Variants in RBFOX1 observed in about 807,000 individuals in gnomAD.
The protein encoded by RBFOX1 is RNA binding protein fox-1 homolog 1.
In RBFOX1, 8 loss-of-function variants were observed where a neutral mutation model predicts 57.7. The observed-to-expected ratio is 0.14, with a 90% CI of 0.08 to 0.25. The LOEUF is 0.25. RBFOX1 is among the 10% of genes least tolerant of loss of function. The probability of loss-of-function intolerance (pLI) is 1.00; values close to 1 mark genes in which losing one functional copy is unlikely to be tolerated. For missense variants in RBFOX1, 611 were observed against 548.5 expected (o/e 1.11, Z -1.14); for synonymous variants, 326 against 222.4 (o/e 1.47, Z -4.15).
At chr16:6,669,900 C>T (rs574786582) in intron 3 of RBFOX1, among the ~76,000 whole-genome samples, 6 of 152,190 alleles carry the variant, frequency 3.9e-5, no homozygotes, top group African/African-American at 1.4e-4. Context: ...CCTAAGTAAC[C>T]GACCCATGGT....
At chr16:7,247,344 C>G (rs548944914) in intron 4 of RBFOX1, among the ~76,000 whole-genome samples, 50 of 152,270 alleles carry the variant, frequency 3.3e-4, no homozygotes, top group Admixed American at 1.0e-3. Context: ...AGGGGACACT[C>G]ACAGCCAACG....
intron 1 of RBFOX1, among the ~76,000 whole-genome samples, chr16:5,272,017 G>T (rs917510218): frequency 2.0e-5 from 3 of 152,188 alleles, no homozygotes; most frequent in Non-Finnish European, 4.4e-5. Context: ...CACTTAGGTT[G>T]ATTCTATATC....
At chr16:6,041,534 A>C (rs1437295494) in intron 1 of RBFOX1, among the ~76,000 whole-genome samples, 2 of 152,068 alleles carry the variant, frequency 1.3e-5, no homozygotes, top group African/African-American at 4.8e-5. Flanking sequence ...TTTATCATCC[A>C]CATTTTACGG....
intron 1 of RBFOX1, among the ~76,000 whole-genome samples, chr16:6,076,026 T>G (rs955787492): frequency 6.6e-6 from 1 of 152,078 alleles, no homozygotes; most frequent in Admixed American, 6.6e-5. Context: ...TGGCCGGGCG[T>G]GGTGGCTCAC....
chr16:7,450,454 G>A (rs2098843208), intron 4 of RBFOX1, among the ~76,000 whole-genome samples: 1 of 149,718 alleles, frequency 6.7e-6, no homozygotes, highest in Admixed American at 6.7e-5. Context: ...AGGAGGGACT[G>A]TGGATGATAA....
chr16:6,939,710 C>G (rs946594158), intron 3 of RBFOX1, among the ~76,000 whole-genome samples: 2 of 151,984 alleles, frequency 1.3e-5, no homozygotes, highest in Admixed American at 6.6e-5. Flanking sequence ...TGAGGCTTCA[C>G]TATGTTGGCC....
intron 3 of RBFOX1, among the ~76,000 whole-genome samples, chr16:6,802,233 AC>A (rs2085644068): frequency 6.6e-6 from 1 of 152,016 alleles, no homozygotes; most frequent in Admixed American, 6.6e-5. Context: ...TTATTATTTA[AC>A]TTAACCACTC....
At chr16:7,684,155 C>G (rs1201840705) in intron 14 of RBFOX1, among the ~76,000 whole-genome samples, 2 of 152,118 alleles carry the variant, frequency 1.3e-5, no homozygotes, top group Non-Finnish European at 2.9e-5. Flanking sequence ...AATGTGGCCT[C>G]TAATTTATTT....
intron 2 of RBFOX1, among the ~76,000 whole-genome samples, chr16:5,515,975 G>A (rs1300422957): frequency 1.3e-5 from 2 of 152,170 alleles, no homozygotes; most frequent in African/African-American, 4.8e-5. Flanking sequence ...CCAAATCAGA[G>A]AGCACCAGAG....
At chr16:6,833,930 C>A (rs1012956923) in intron 3 of RBFOX1, among the ~76,000 whole-genome samples, 4 of 151,902 alleles carry the variant, frequency 2.6e-5, no homozygotes, top group African/African-American at 9.7e-5. Flanking sequence ...ATGAGTGTGT[C>A]CAGAGTGATG....
rs185478662 is a variant in RBFOX1, at chr16:6,083,552, C to T, written c.-127+63560C>T. Among the ~76,000 whole-genome samples, 79 of 152,318 alleles carry T rather than the reference C, an allele frequency of 5.2e-4. 1 individual carries two copies. The highest frequency in any genetic ancestry group is 5.9e-5 in the Non-Finnish European group (4 of 68,022). On this transcript the variant is annotated intron_variant, in intron 1 of 15. Transcript: ENST00000550418. The stretch of plus-strand genomic sequence containing the variant: ...AGGGCAGTGGCACAGTCACAGCTCA[C>T]TGCAGCCTCAACCTCTTGGGCTCAG...
chr16:6,857,876 T>C (rs1292435658), intron 3 of RBFOX1, among the ~76,000 whole-genome samples: 1 of 152,214 alleles, frequency 6.6e-6, no homozygotes, highest in Admixed American at 6.5e-5. Flanking sequence ...TAGCAACCTG[T>C]CAAATCCTGA....
chr16:5,289,381 G>T (rs564594390), intron 1 of RBFOX1: 3 of 389,936 alleles, frequency 7.7e-6, no homozygotes, highest in African/African-American at 2.0e-5. Flanking sequence ...CATCATGGGA[G>T]GGCCCCCATA....
chr16:6,827,023 C>T (rs183323357), intron 3 of RBFOX1, among the ~76,000 whole-genome samples: 2 of 152,084 alleles, frequency 1.3e-5, no homozygotes, highest in Non-Finnish European at 2.9e-5. Context: ...ACTTTTTAGT[C>T]TGGGGAGAAA....
intron 4 of RBFOX1, among the ~76,000 whole-genome samples, chr16:7,483,569 C>G (rs1664258875): frequency 6.6e-6 from 1 of 152,126 alleles, no homozygotes; most frequent in African/African-American, 2.4e-5. Context: ...GACATACTGC[C>G]TGAGGGTGGA....
intron 4 of RBFOX1, among the ~76,000 whole-genome samples, chr16:7,273,190 C>T (rs1167613294): frequency 1.0e-5 from 1 of 95,398 alleles, no homozygotes; most frequent in African/African-American, 5.5e-5. Flanking sequence ...TCCTTCCTCC[C>T]TTCCTTCCTC....
intron 4 of RBFOX1, among the ~76,000 whole-genome samples, chr16:7,357,926 C>T (rs536892253): frequency 2.6e-5 from 4 of 152,184 alleles, no homozygotes; most frequent in African/African-American, 9.6e-5. Flanking sequence ...GAAGGAGTTG[C>T]TGTTTTTTAC....
chr16:5,332,196 T>G (rs1173984109), intron 1 of RBFOX1, among the ~76,000 whole-genome samples: 1 of 152,164 alleles, frequency 6.6e-6, no homozygotes, highest in Non-Finnish European at 1.5e-5. Flanking sequence ...TTTCTTTTAT[T>G]TAACACCTAA....
intron 1 of RBFOX1, among the ~76,000 whole-genome samples, chr16:6,112,291 A>G (rs1005042030): frequency 6.6e-6 from 1 of 152,232 alleles, no homozygotes; most frequent in Non-Finnish European, 1.5e-5. Flanking sequence ...AAATGAATAT[A>G]GTAAATGGTC....
Sources: gnomAD v4.1 joint callset for allele counts (sites outside exome capture counted in the v4.1 genomes callset) on GRCh38, gnomAD v4.1.1 for gene constraint, MANE v1.5 for transcripts, NCBI Gene and HGNC (gene_info 2026-07-23, HGNC 2026-07-21) for gene names.